The following TMEM131 variants were observed in gnomAD, a reference collection of about 807,000 sequenced individuals.
TMEM131 encodes the protein 2610524E03Rik.
Under a neutral mutation model 211.6 loss-of-function variants are expected in TMEM131, and 66 were observed. That is an observed-to-expected ratio of 0.31 (90% CI 0.26 to 0.38). The LOEUF is 0.38. Among genes scored for constraint, TMEM131 ranks in the 10% least tolerant of loss-of-function variants. The pLI is 1.00. For missense variants in TMEM131, 2,036 were observed against 2,299.3 expected, an observed-to-expected ratio of 0.89 and a Z score of 2.34; for synonymous variants, 844 against 841.3, an observed-to-expected ratio of 1.00 and a Z score of -0.06.
At chr2:97,995,439 C>A (rs867215657) in intron 1 of TMEM131, 37 bp downstream of exon 1, 1 of 1,329,734 alleles carries the variant, frequency 7.5e-7, no homozygotes. Flanking sequence ...AGCGGGGTGA[C>A]AGCCCCGCCG....
chr2:97,912,959 CATCTGATA>C (rs1383061046), intron 2 of TMEM131: 1 of 152,160 alleles, frequency 6.6e-6, no homozygotes, highest in Non-Finnish European at 1.5e-5. Context: ...AAAACGAACA[CATCTGATA>C]ATTTTATCCC....
chr2:97,871,549 A>G (rs978697782), intron 4 of TMEM131, among the ~76,000 whole-genome samples: 2 of 152,166 alleles, frequency 1.3e-5, no homozygotes, highest in Non-Finnish European at 2.9e-5. Context: ...TGGTCTTTTG[A>G]GAGATCCTTT....
chr2:97,821,128 T>TG (rs1682099518), intron 11 of TMEM131, among the ~76,000 whole-genome samples: 1 of 151,984 alleles, frequency 6.6e-6, no homozygotes, highest in African/African-American at 2.4e-5. Context: ...CTGGGTTGAG[T>TG]GGGGACTTGG....
At chr2:97,812,226 C>CT (rs1163541131) in intron 17 of TMEM131, among the ~76,000 whole-genome samples, 195 bp downstream of exon 17, 1 of 152,172 alleles carries the variant, frequency 6.6e-6, no homozygotes, top group Non-Finnish European at 1.5e-5. Context: ...AATTAAACCC[C>CT]TTTGGGTTTC....
intron 5 of TMEM131, among the ~76,000 whole-genome samples, chr2:97,849,759 A>G (rs1295961297): frequency 2.5e-5 from 3 of 120,292 alleles, no homozygotes; most frequent in Non-Finnish European, 4.9e-5. Context: ...GGGTGAATCC[A>G]CGAGGGTTGC....
chr2:97,840,665 A>C (rs1006200544), intron 7 of TMEM131, among the ~76,000 whole-genome samples: 1 of 152,210 alleles, frequency 6.6e-6, no homozygotes, highest in African/African-American at 2.4e-5. Context: ...CAGAACAGGG[A>C]AACTACACCA....
At chr2:97,869,913 G>T (rs551834201) in intron 4 of TMEM131, among the ~76,000 whole-genome samples, 1 of 152,206 alleles carries the variant, frequency 6.6e-6, no homozygotes, top group Non-Finnish European at 1.5e-5. Context: ...ACAAGGAAAT[G>T]CAGGTGTCAG....
At chr2:97,990,843 C>T (rs1317698350) in intron 1 of TMEM131, among the ~76,000 whole-genome samples, 1 of 152,080 alleles carries the variant, frequency 6.6e-6, no homozygotes, top group Non-Finnish European at 1.5e-5. Context: ...TTTGCACCTA[C>T]GTCACAAATA....
chr2:97,826,106 G>A (rs918707822), intron 11 of TMEM131, among the ~76,000 whole-genome samples: 4 of 152,184 alleles, frequency 2.6e-5, no homozygotes, highest in Non-Finnish European at 5.9e-5. Flanking sequence ...AGTCCCCTTA[G>A]CTAATCCTGA....
intron 1 of TMEM131, among the ~76,000 whole-genome samples, chr2:97,976,201 C>T (rs1401215190): frequency 6.6e-6 from 1 of 152,030 alleles, no homozygotes; most frequent in Non-Finnish European, 1.5e-5. Flanking sequence ...AGGTCATAAG[C>T]AGTACAATCA....
intron 11 of TMEM131, among the ~76,000 whole-genome samples, chr2:97,830,457 G>A (rs2105049610): frequency 6.6e-6 from 1 of 152,280 alleles, no homozygotes; most frequent in African/African-American, 2.4e-5. Context: ...CTAATGCTCA[G>A]TAACCCTCAA....
intron 40 of TMEM131, among the ~76,000 whole-genome samples, chr2:97,757,701 G>T (rs1678573149): frequency 6.6e-6 from 1 of 152,100 alleles, no homozygotes; most frequent in Admixed American, 6.5e-5. Flanking sequence ...ATGCCGGCTA[G>T]TTGTGATATT....
At chr2:97,953,621 C>G (rs1409423941) in intron 1 of TMEM131, among the ~76,000 whole-genome samples, 1 of 152,220 alleles carries the variant, frequency 6.6e-6, no homozygotes, top group East Asian at 1.9e-4. Flanking sequence ...AGAAAATTAG[C>G]AAAGACAGAA....
chr2:97,795,133 T>C lies in TMEM131; in HGVS notation c.3201-18A>G, dbSNP rs1680697287. ...GAGTAAACCTAAAACAGAATGATGG[T>C]AGTAAGGCTAAGTTTTAAAAATATC... On this transcript the variant is annotated intron_variant, in intron 28 of 40. Coordinates refer to ENST00000186436, the MANE Select transcript of TMEM131 (RefSeq NM_015348.2). 1.3e-6 allele frequency: 2 copies of C among 1,589,304 alleles called. No individual in the cohort carries two copies. Among genetic ancestry groups the C allele is most frequent in the South Asian group, 1.1e-5 (1 of 88,342 alleles).
At chr2:97,974,567 C>A (rs1679447369) in intron 1 of TMEM131, among the ~76,000 whole-genome samples, 1 of 150,762 alleles carries the variant, frequency 6.6e-6, no homozygotes, top group Non-Finnish European at 1.5e-5. Context: ...TTATTTCAAA[C>A]CAGATTTACA....
chr2:97,933,379 C>A (rs567471229), intron 1 of TMEM131, among the ~76,000 whole-genome samples: 1 of 152,192 alleles, frequency 6.6e-6, no homozygotes, highest in South Asian at 2.1e-4. Context: ...CAAAAAAGGG[C>A]AAATACTGTG....
At chr2:97,927,340 T>A in intron 2 of TMEM131, 86 bp downstream of exon 2, 1 of 1,028,742 alleles carries the variant, frequency 9.7e-7, no homozygotes. Flanking sequence ...ATATTTCAGA[T>A]AAACCAATTA....
intron 25 of TMEM131, 98 bp downstream of exon 25, chr2:97,801,797 C>T (rs1467047614): frequency 1.2e-6 from 1 of 854,156 alleles, no homozygotes; most frequent in Non-Finnish European, 1.7e-6. Flanking sequence ...ACTTACCCTT[C>T]AGCCAAATTT....
At chr2:97,804,373 G>T (rs1355421205) in intron 22 of TMEM131, among the ~76,000 whole-genome samples, 1 of 152,070 alleles carries the variant, frequency 6.6e-6, no homozygotes, top group Non-Finnish European at 1.5e-5. Context: ...ACTTAGAAAG[G>T]AAGGGGGTGG....
Sources: allele counts gnomAD v4.1 joint callset (sites outside exome capture counted in the v4.1 genomes callset), GRCh38; gene constraint gnomAD v4.1.1; transcripts MANE v1.5; gene names NCBI Gene and HGNC (gene_info 2026-07-23, HGNC 2026-07-21).